Variants in METTL15 observed in about 807,000 individuals in gnomAD.
METTL15 encodes the protein methyltransferase 15, mitochondrial 12S rRNA N4-cytidine.
A neutral mutation model predicts 38.3 loss-of-function variants in METTL15; 34 were observed. The observed-to-expected ratio is 0.89, with a 90% confidence interval of 0.68 to 1.18. The LOEUF (loss-of-function observed/expected upper bound fraction) is 1.18. Among genes scored for constraint, METTL15 ranks in the 50% most tolerant of loss-of-function variants. METTL15 has a pLI of 0.00. For synonymous variants in METTL15, 162 were observed against 170.9 expected, an observed-to-expected ratio of 0.95 and a Z score of 0.41; for missense variants, 438 against 498.4, an observed-to-expected ratio of 0.88 and a Z score of 1.15.
intron 6 of METTL15, among the ~76,000 whole-genome samples, chr11:28,504,352 A>G (rs751071977): frequency 6.6e-6 from 1 of 152,176 alleles, no homozygotes; most frequent in Non-Finnish European, 1.5e-5. Flanking sequence ...AGCTCATGCT[A>G]TTCCTAAAAG....
chr11:28,460,835 CTCCTCTAAAGTAGGAGGA>C (rs1851207811), intron 6 of METTL15, among the ~76,000 whole-genome samples: 1 of 152,020 alleles, frequency 6.6e-6, no homozygotes, highest in Admixed American at 6.6e-5. Flanking sequence ...GTGCAGCAGG[CTCCTCTAAAGTAGGAGGA>C]TCCTCTAAAG....
At position 28,156,403 on chromosome 11, in the gene METTL15, T is replaced by C. The variant is rs1590828120; in HGVS notation, c.270+42799T>C. On this transcript the variant is annotated intron_variant, in intron 3 of 6. Transcript: ENST00000407364. ...ACTTCAACATAAATAGATTTCAGTG[T>C]GTTAAGAAAGTGTATATTTAGTTCA... Among the ~76,000 whole-genome samples, 4 of 152,290 alleles carry C rather than the reference T, an allele frequency of 2.6e-5. No homozygotes were observed. In the South Asian group the frequency reaches 8.3e-4, roughly 32 times the overall value.
chr11:28,284,154 G>C (rs1451705427), intron 4 of METTL15, among the ~76,000 whole-genome samples: 1 of 152,142 alleles, frequency 6.6e-6, no homozygotes, highest in Non-Finnish European at 1.5e-5. Context: ...AACTGATGTA[G>C]CATCAGAAAA....
At chr11:28,270,172 T>C (rs1396260546) in intron 4 of METTL15, among the ~76,000 whole-genome samples, 12 of 152,186 alleles carry the variant, frequency 7.9e-5, no homozygotes, top group Non-Finnish European at 1.5e-5. Flanking sequence ...ATTCAAATTT[T>C]TATATAATTT....
At chr11:28,464,723 C>T (rs1451974273) in intron 6 of METTL15, among the ~76,000 whole-genome samples, 2 of 152,180 alleles carry the variant, frequency 1.3e-5, no homozygotes, top group Non-Finnish European at 2.9e-5. Flanking sequence ...AGTTCTGCTC[C>T]TTCTTTGGGG....
At chr11:28,290,427 A>G (rs750209380) in intron 5 of METTL15, 30 bp downstream of exon 5, 2 of 1,564,850 alleles carry the variant, frequency 1.3e-6, no homozygotes, top group East Asian at 2.3e-5. Context: ...TTCATCTCAC[A>G]ACAAGAAATC....
chr11:28,353,321 T>A (rs1850058233), intron 4 of METTL15, among the ~76,000 whole-genome samples: 1 of 152,130 alleles, frequency 6.6e-6, no homozygotes, highest in Non-Finnish European at 1.5e-5. Flanking sequence ...GAGAAAAATG[T>A]TGTTTGAGAA....
intron 3 of METTL15, among the ~76,000 whole-genome samples, chr11:28,203,243 A>G (rs1333293082): frequency 1.3e-5 from 2 of 152,114 alleles, no homozygotes; most frequent in Non-Finnish European, 2.9e-5. Flanking sequence ...TTTCAAAATC[A>G]AATTGGAATC....
At position 28,238,265 on chromosome 11, in the gene METTL15, C is replaced by G. The variant is rs891047587; in HGVS notation, c.407+27067C>G. Among the ~76,000 whole-genome samples, 5 of 152,294 alleles carry G rather than the reference C, an allele frequency of 3.3e-5. No homozygotes were observed. The East Asian group carries it at 5.8e-4, about 18-fold the overall frequency. On this transcript the variant is annotated intron_variant, in intron 4 of 6. Coordinates refer to ENST00000407364, the MANE Select transcript of METTL15 (RefSeq NM_001113528.2). The stretch of plus-strand genomic sequence containing the variant: ...GAGCTGTGGTGGGCTCCACCCAGTG[C>G]GAGCTTCCCGGCTGCTTTGTTTACC...
At chr11:28,210,271 C>A (rs551433207) in intron 3 of METTL15, among the ~76,000 whole-genome samples, 2 of 152,004 alleles carry the variant, frequency 1.3e-5, no homozygotes, top group South Asian at 4.1e-4. Context: ...TTATTACTGG[C>A]AAATGTTTCA....
downstream of METTL15, among the ~76,000 whole-genome samples, chr11:28,527,302 G>A (rs1429832080): frequency 1.3e-5 from 2 of 152,196 alleles, no homozygotes; most frequent in Non-Finnish European, 2.9e-5. Context: ...AAAGAAAGTA[G>A]CATAGAGTTG....
chr11:28,407,051 G>A (rs1420378937), intron 5 of METTL15, among the ~76,000 whole-genome samples: 3 of 152,106 alleles, frequency 2.0e-5, no homozygotes, highest in Non-Finnish European at 4.4e-5. Flanking sequence ...AATCGTGGTC[G>A]ATAAGCTTTT....
chr11:28,177,613 G>C (rs1851124794), intron 3 of METTL15, among the ~76,000 whole-genome samples: 1 of 152,062 alleles, frequency 6.6e-6, no homozygotes, highest in East Asian at 1.9e-4. Context: ...GGATTTGAAA[G>C]TTATATTACT....
chr11:28,168,145 G>A (rs894322393), intron 3 of METTL15, among the ~76,000 whole-genome samples: 2 of 151,256 alleles, frequency 1.3e-5, no homozygotes, highest in African/African-American at 4.9e-5. Context: ...CCTGTATTAA[G>A]CCCTCTTTGT....
At chr11:28,165,575 T>A (rs1444125146) in intron 3 of METTL15, among the ~76,000 whole-genome samples, 1 of 152,138 alleles carries the variant, frequency 6.6e-6, no homozygotes, top group Admixed American at 6.6e-5. Context: ...TTATTAGATG[T>A]ATGGTTTGCA....
intron 6 of METTL15, among the ~76,000 whole-genome samples, chr11:28,450,601 G>T (rs1851112211): frequency 6.6e-6 from 1 of 152,200 alleles, no homozygotes. Context: ...TGAAAATACA[G>T]TATGTGTAAG....
At chr11:28,281,412 C>T (rs958515721) in intron 4 of METTL15, among the ~76,000 whole-genome samples, 3 of 152,156 alleles carry the variant, frequency 2.0e-5, no homozygotes, top group African/African-American at 2.4e-5. Flanking sequence ...TCTCAGCATC[C>T]GCTTGCAAAT....
At chr11:28,440,711 G>A (rs994793959) in intron 6 of METTL15, among the ~76,000 whole-genome samples, 1 of 152,106 alleles carries the variant, frequency 6.6e-6, no homozygotes, top group Non-Finnish European at 1.5e-5. Context: ...GTCATCATAC[G>A]TGCACACATA....
At chr11:28,124,607 G>C (rs1260169300) in intron 3 of METTL15, among the ~76,000 whole-genome samples, 5 of 152,062 alleles carry the variant, frequency 3.3e-5, no homozygotes, top group Non-Finnish European at 2.9e-5. Flanking sequence ...CTGTGGTGTT[G>C]AGGGAAATAA....
Sources: allele counts gnomAD v4.1 joint callset (sites outside exome capture counted in the v4.1 genomes callset), GRCh38; gene constraint gnomAD v4.1.1; transcripts MANE v1.5; gene names NCBI Gene and HGNC (gene_info 2026-07-23, HGNC 2026-07-21).